SEZ6L: variants seen among roughly 807,000 people sequenced by gnomAD.
The protein encoded by SEZ6L is seizure related 6 homolog like, also known as seizure 6-like protein.
SEZ6L carries 37 observed loss-of-function variants against 106.2 expected under a neutral mutation model. The observed-to-expected ratio is 0.35, with a 90% confidence interval of 0.27 to 0.46. SEZ6L has a LOEUF of 0.46. Ranked by LOEUF, SEZ6L falls within the 20% of genes least tolerant of loss-of-function variation. SEZ6L has a pLI of 1.00. For synonymous variants in SEZ6L, 541 were observed against 570.4 expected, an observed-to-expected ratio of 0.95 and a Z score of 0.73; for missense variants, 1,172 against 1,332.8, an observed-to-expected ratio of 0.88 and a Z score of 1.88.
At chr22:26,337,682 A>T (rs1019584649) in intron 9 of SEZ6L, among the ~76,000 whole-genome samples, 1 of 152,112 alleles carries the variant, frequency 6.6e-6, no homozygotes, top group African/African-American at 2.4e-5. Context: ...AGGGGCTTCA[A>T]TCTGGTTAAA....
At chr22:26,223,619 T>C (rs1340026489) in intron 1 of SEZ6L, among the ~76,000 whole-genome samples, 1 of 152,150 alleles carries the variant, frequency 6.6e-6, no homozygotes, top group Non-Finnish European at 1.5e-5. Context: ...AAAAAATCCC[T>C]TCATTTCTCT....
At chr22:26,351,483 G>A (rs2083276698) in intron 12 of SEZ6L, 2 of 481,338 alleles carry the variant, frequency 4.2e-6, no homozygotes, top group South Asian at 7.3e-5. Context: ...TCTTCCTCAA[G>A]TAGCCCTGGG....
rs1336431146 is a variant in SEZ6L, at chr22:26,292,945, G to A, written c.634G>A (p.Ala212Thr). ...ISPFTSQPYV[A>T]HTLPQRPEPG... ...CCCCTTCACTTCGCAGCCCTATGTG[G>A]CCCACACACTCCCCCAGAGGCCAGA... The change falls in exon 2 of 17, where the codon GCC becomes ACC. Residue 212 changes from alanine (A) to threonine (T), a missense_variant. Transcript: ENST00000248933. 5.0e-6 allele frequency: 8 copies of A among 1,613,950 alleles called. No individual in the cohort carries two copies. In the African/African-American group the frequency reaches 6.7e-5, roughly 13 times the overall value.
chr22:26,287,137 G>A (rs1203904624), intron 1 of SEZ6L, among the ~76,000 whole-genome samples: 1 of 151,656 alleles, frequency 6.6e-6, no homozygotes, highest in Non-Finnish European at 1.5e-5. Flanking sequence ...AAATGGGAGA[G>A]AAAGAGAGAT....
At chr22:26,238,688 A>G (rs552715731) in intron 1 of SEZ6L, among the ~76,000 whole-genome samples, 14 of 152,308 alleles carry the variant, frequency 9.2e-5, no homozygotes, top group African/African-American at 3.4e-4. Flanking sequence ...AATATTCTCC[A>G]TTGCTTAATG....
intron 1 of SEZ6L, among the ~76,000 whole-genome samples, chr22:26,210,237 G>A (rs917873919): frequency 1.3e-5 from 2 of 152,120 alleles, no homozygotes; most frequent in African/African-American, 4.8e-5. Flanking sequence ...CCATCAGGTG[G>A]AGTTCTGTTG....
At chr22:26,237,201 G>A (rs752333645) in intron 1 of SEZ6L, among the ~76,000 whole-genome samples, 6 of 152,196 alleles carry the variant, frequency 3.9e-5, no homozygotes, top group Non-Finnish European at 1.5e-5. Flanking sequence ...TGGTTGTCAT[G>A]AGAACTATTA....
At chr22:26,336,944 C>T (rs1014060960) in intron 9 of SEZ6L, among the ~76,000 whole-genome samples, 1 of 151,986 alleles carries the variant, frequency 6.6e-6, no homozygotes, top group African/African-American at 2.4e-5. Flanking sequence ...ATGATGATGA[C>T]GATAGTGATG....
intron 16 of SEZ6L, among the ~76,000 whole-genome samples, chr22:26,378,969 A>G (rs564156356): frequency 6.6e-6 from 1 of 152,308 alleles, no homozygotes; most frequent in South Asian, 2.1e-4. Flanking sequence ...CATAGTTTCT[A>G]TAAGTCAGGA....
chr22:26,305,943 T>C (rs1430849464), intron 5 of SEZ6L, 36 bp from the exon 6 acceptor site: 8 of 1,515,586 alleles, frequency 5.3e-6, no homozygotes, highest in Non-Finnish European at 6.4e-6. Flanking sequence ...CCCTCTCTGC[T>C]CTCTCCCATT....
At chr22:26,305,622 T>A (rs1177931353) in intron 5 of SEZ6L, among the ~76,000 whole-genome samples, 1 of 152,234 alleles carries the variant, frequency 6.6e-6, no homozygotes, top group Non-Finnish European at 1.5e-5. Flanking sequence ...TATATCCTTC[T>A]TGATTGCCAT....
chr22:26,332,505 G>T (rs1251026244), intron 9 of SEZ6L, among the ~76,000 whole-genome samples: 1 of 151,152 alleles, frequency 6.6e-6, no homozygotes, highest in African/African-American at 2.4e-5. Context: ...GGAGTACAGT[G>T]GTGCAATCAA....
chr22:26,325,263 G>T (rs192417122), intron 9 of SEZ6L, among the ~76,000 whole-genome samples: 1 of 152,204 alleles, frequency 6.6e-6, no homozygotes, highest in Non-Finnish European at 1.5e-5. Context: ...ACAGAGAGGG[G>T]CCAAGCTTTG....
At chr22:26,258,949 T>C (rs889972272) in intron 1 of SEZ6L, among the ~76,000 whole-genome samples, 4 of 152,096 alleles carry the variant, frequency 2.6e-5, no homozygotes, top group African/African-American at 7.2e-5. Flanking sequence ...GAGGGAGAGA[T>C]TGGAGTCAGG....
At chr22:26,245,478 G>A (rs1329732917) in intron 1 of SEZ6L, among the ~76,000 whole-genome samples, 1 of 152,052 alleles carries the variant, frequency 6.6e-6, no homozygotes, top group African/African-American at 2.4e-5. Flanking sequence ...TTCCCCATTT[G>A]GCATGCATTT....
chr22:26,296,745 G>A, intron 3 of SEZ6L, 143 bp from the exon 4 acceptor site: 1 of 595,174 alleles, frequency 1.7e-6, no homozygotes, highest in Non-Finnish European at 2.6e-6. Context: ...GGCTCCTGTG[G>A]GCTCGGCATG....
intron 16 of SEZ6L, 114 bp downstream of exon 16, chr22:26,377,889 C>A: frequency 1.3e-6 from 1 of 762,154 alleles, no homozygotes; most frequent in Non-Finnish European, 2.3e-6. Context: ...AGCCAGTGGT[C>A]CTGTCTTATC....
chr22:26,367,518 T>C (rs2083860618), intron 13 of SEZ6L, among the ~76,000 whole-genome samples: 1 of 151,992 alleles, frequency 6.6e-6, no homozygotes, highest in African/African-American at 2.4e-5. Context: ...TAAATTTTTT[T>C]ATTTTTGTAG....
chr22:26,305,887 C>A, intron 5 of SEZ6L, 92 bp from the exon 6 acceptor site: 2 of 1,253,048 alleles, frequency 1.6e-6, no homozygotes, highest in Admixed American at 2.0e-5. Context: ...CACTCACTTC[C>A]TTCTCTCTCT....
Sources: gnomAD v4.1 joint callset for allele counts (sites outside exome capture counted in the v4.1 genomes callset) on GRCh38, gnomAD v4.1.1 for gene constraint, MANE v1.5 for transcripts, NCBI Gene and HGNC (gene_info 2026-07-23, HGNC 2026-07-21) for gene names.